Variants in RAPGEF2 observed in about 807,000 individuals in gnomAD.
RAPGEF2 encodes PDZ domain containing guanine nucleotide exchange factor (GEF) 1.
A neutral mutation model predicts 186.7 loss-of-function variants in RAPGEF2; 54 were observed. That is an observed-to-expected ratio of 0.29 (90% CI 0.23 to 0.36). The LOEUF (loss-of-function observed/expected upper bound fraction) is 0.36. Among genes scored for constraint, RAPGEF2 ranks in the 10% least tolerant of loss-of-function variants. The pLI is 1.00. For missense variants in RAPGEF2, 1,532 were observed against 2,045.0 expected (o/e 0.75, Z 4.84); for synonymous variants, 712 against 705.9 (o/e 1.01, Z -0.14).
At chr4:159,142,419 G>A (rs1245545143) in intron 1 of RAPGEF2, among the ~76,000 whole-genome samples, 2 of 151,790 alleles carry the variant, frequency 1.3e-5, no homozygotes, top group Non-Finnish European at 2.9e-5. Context: ...GGGACCAGAT[G>A]ATCAAATATT....
At position 159,192,947 on chromosome 4, in the gene RAPGEF2, C is replaced by T. The variant is rs989084357; in HGVS notation, c.141-253C>T. Among the ~76,000 whole-genome samples, 3 of 152,142 alleles carry T rather than the reference C, an allele frequency of 2.0e-5. 1 individual carries two copies. Among genetic ancestry groups the T allele is most frequent in the South Asian group, 4.1e-4 (2 of 4,832 alleles). On this transcript the variant is annotated intron_variant, in intron 2 of 29. Transcript: ENST00000691494. ...AATAGAAAATACACACAATGTTCTT[C>T]CCCATAAAATAAACATGGTGAAGTT... is the stretch of plus-strand genomic sequence containing the variant.
At chr4:159,286,478 A>G (rs1469856722) in intron 7 of RAPGEF2, among the ~76,000 whole-genome samples, 1 of 152,136 alleles carries the variant, frequency 6.6e-6, no homozygotes, top group Non-Finnish European at 1.5e-5. Context: ...CAGACTTATA[A>G]AATGTAGATC....
At chr4:159,133,479 T>A (rs1036911728) in intron 1 of RAPGEF2, among the ~76,000 whole-genome samples, 2 of 152,034 alleles carry the variant, frequency 1.3e-5, no homozygotes, top group African/African-American at 4.8e-5. Context: ...TGGTGCGATC[T>A]CAGCTCACTG....
At chr4:159,323,342 A>T in intron 10 of RAPGEF2, 117 bp from the exon 11 acceptor site, 1 of 782,142 alleles carries the variant, frequency 1.3e-6, no homozygotes, top group Non-Finnish European at 1.9e-6. Context: ...AACTTGAGTT[A>T]CTTGTTTTAT....
intron 7 of RAPGEF2, among the ~76,000 whole-genome samples, chr4:159,264,739 CAAT>C (rs1757239742): frequency 6.6e-6 from 1 of 152,100 alleles, no homozygotes; most frequent in South Asian, 2.1e-4. Flanking sequence ...TGCCATCAAA[CAAT>C]AACTCCCCAA....
intron 4 of RAPGEF2, among the ~76,000 whole-genome samples, chr4:159,211,536 T>G (rs931909725): frequency 1.3e-5 from 2 of 152,228 alleles, no homozygotes; most frequent in Non-Finnish European, 2.9e-5. Context: ...ATATTCTGAC[T>G]GGGTCAGGGT....
intron 1 of RAPGEF2, among the ~76,000 whole-genome samples, chr4:159,114,126 T>A (rs972415574): frequency 6.6e-6 from 1 of 151,198 alleles, no homozygotes; most frequent in Non-Finnish European, 1.5e-5. Flanking sequence ...CTAATTTTTT[T>A]TTTTTTTTTT....
At chr4:159,189,171 G>A (rs1354780418) in intron 2 of RAPGEF2, among the ~76,000 whole-genome samples, 1 of 152,174 alleles carries the variant, frequency 6.6e-6, no homozygotes, top group Non-Finnish European at 1.5e-5. Flanking sequence ...TACAATTTTA[G>A]GAAATAAGTG....
chr4:159,244,057 A>G (rs1328355616), intron 7 of RAPGEF2, among the ~76,000 whole-genome samples: 2 of 152,012 alleles, frequency 1.3e-5, no homozygotes, highest in Non-Finnish European at 2.9e-5. Flanking sequence ...ACTTAAAAAA[A>G]TGAATGGAAC....
At chr4:159,105,654 G>GT in intron 1 of RAPGEF2, among the ~76,000 whole-genome samples, 1 of 152,180 alleles carries the variant, frequency 6.6e-6, no homozygotes, top group Non-Finnish European at 1.5e-5. Flanking sequence ...TTCTCTTGGT[G>GT]TTGCACACGC....
chr4:159,284,572 G>T (rs1458422381), intron 7 of RAPGEF2, among the ~76,000 whole-genome samples: 2 of 150,740 alleles, frequency 1.3e-5, no homozygotes, highest in Admixed American at 6.6e-5. Flanking sequence ...TGGGGGATAC[G>T]CAGTGCCTGA....
intron 22 of RAPGEF2, 86 bp downstream of exon 22, chr4:159,343,490 A>T (rs954267803): frequency 4.5e-6 from 7 of 1,540,022 alleles, no homozygotes; most frequent in Admixed American, 1.9e-5. Flanking sequence ...TTAAAGTTTG[A>T]GTATTTATAT....
chr4:159,145,194 C>T lies in RAPGEF2; in HGVS notation c.69+40963C>T, dbSNP rs144477626. ...CTGCATCTGGCCTGTTTTTTTTTCC[C>T]GCTTTATTGTAGTAATACTATTCAG... On this transcript the variant is annotated intron_variant, in intron 1 of 29. Transcript: ENST00000691494. 4.1e-3 allele frequency among the ~76,000 whole-genome samples: 628 copies of T among 151,864 alleles called. 4 individuals are homozygous for T. The highest frequency in any genetic ancestry group is 0.014 in the African/African-American group (565 of 41,408).
chr4:159,140,218 TA>T (rs1447229452), intron 1 of RAPGEF2, among the ~76,000 whole-genome samples: 5 of 152,224 alleles, frequency 3.3e-5, no homozygotes, highest in Non-Finnish European at 5.9e-5. Context: ...TGGGTAGAAA[TA>T]GTTTTAGTGT....
At chr4:159,277,472 C>A (rs1361093572) in intron 7 of RAPGEF2, among the ~76,000 whole-genome samples, 1 of 152,158 alleles carries the variant, frequency 6.6e-6, no homozygotes, top group Non-Finnish European at 1.5e-5. Context: ...AATGGTATTT[C>A]TAGTTCTGGA....
At chr4:159,209,157 G>A (rs1205982330) in intron 3 of RAPGEF2, among the ~76,000 whole-genome samples, 10 of 138,698 alleles carry the variant, frequency 7.2e-5, no homozygotes, top group Non-Finnish European at 1.4e-4. Flanking sequence ...CTCCCAAAGT[G>A]CTGAGATTAT....
chr4:159,162,317 G>A (rs1744801129), intron 1 of RAPGEF2, among the ~76,000 whole-genome samples: 1 of 149,568 alleles, frequency 6.7e-6, no homozygotes, highest in African/African-American at 2.5e-5. Flanking sequence ...GATTGTTTGA[G>A]CCCAGGAGTT....
chr4:159,343,498 T>C, intron 22 of RAPGEF2, 94 bp downstream of exon 22: 1 of 1,498,838 alleles, frequency 6.7e-7, no homozygotes, highest in East Asian at 2.3e-5. Flanking sequence ...TGAGTATTTA[T>C]ATTTGTAGTA....
intron 1 of RAPGEF2, among the ~76,000 whole-genome samples, chr4:159,155,328 CA>C (rs1320866589): frequency 6.6e-6 from 1 of 152,156 alleles, no homozygotes; most frequent in Non-Finnish European, 1.5e-5. Flanking sequence ...CCACCTTTTG[CA>C]CATTTCCTCG....
Sources: gnomAD v4.1 joint callset for allele counts (sites outside exome capture counted in the v4.1 genomes callset) on GRCh38, gnomAD v4.1.1 for gene constraint, MANE v1.5 for transcripts, NCBI Gene and HGNC (gene_info 2026-07-23, HGNC 2026-07-21) for gene names.